Variants in SUGCT observed in about 807,000 individuals in gnomAD.
SUGCT encodes the protein succinyl-CoA:glutarate CoA-transferase.
Under a neutral mutation model 55.0 loss-of-function variants are expected in SUGCT, and 41 were observed. The observed-to-expected ratio is 0.74, with a 90% confidence interval of 0.58 to 0.97. SUGCT has a LOEUF of 0.97. Ranked by LOEUF, SUGCT falls within the 50% of genes least tolerant of loss-of-function variation. SUGCT has a pLI of 0.00. For missense variants in SUGCT, 568 were observed against 547.8 expected (o/e 1.04, Z -0.37); for synonymous variants, 187 against 200.4 (o/e 0.93, Z 0.56).
At chr7:40,428,347 T>G (rs1205148148) in intron 9 of SUGCT, among the ~76,000 whole-genome samples, 1 of 152,202 alleles carries the variant, frequency 6.6e-6, no homozygotes, top group Non-Finnish European at 1.5e-5. Context: ...GTCTTTTGAT[T>G]GGGGAGTTTA....
chr7:41,018,965 G>A, the SUGCT span, among the ~76,000 whole-genome samples: 3 of 150,840 alleles, frequency 2.0e-5, no homozygotes, highest in African/African-American at 4.9e-5. Context: ...GAGTTCAATG[G>A]TGCGATCTTG....
At chr7:40,552,847 C>G (rs1233888707) in intron 12 of SUGCT, among the ~76,000 whole-genome samples, 2 of 142,342 alleles carry the variant, frequency 1.4e-5, no homozygotes, top group African/African-American at 2.6e-5. Flanking sequence ...GATTTCCTGA[C>G]ATAATCACAG....
chr7:40,435,687 T>G (rs917194602), intron 9 of SUGCT, among the ~76,000 whole-genome samples: 2 of 152,110 alleles, frequency 1.3e-5, no homozygotes, highest in Non-Finnish European at 2.9e-5. Flanking sequence ...TTTGCCTATA[T>G]TCTCTGAGTT....
At chr7:40,496,923 T>G (rs916143009) in intron 12 of SUGCT, among the ~76,000 whole-genome samples, 3 of 151,648 alleles carry the variant, frequency 2.0e-5, no homozygotes, top group African/African-American at 7.3e-5. Flanking sequence ...TTTACACAGA[T>G]AGATATTTGT....
chr7:40,797,772 G>C (rs894831575), intron 13 of SUGCT, among the ~76,000 whole-genome samples: 1 of 152,174 alleles, frequency 6.6e-6, no homozygotes, highest in African/African-American at 2.4e-5. Flanking sequence ...GCAAGTTGTA[G>C]GTACTTTTAG....
At position 40,625,265 on chromosome 7, in the gene SUGCT, C is replaced by T. The variant is rs140533015; in HGVS notation, c.1090-124169C>T. 1.8e-4 allele frequency among the ~76,000 whole-genome samples: 28 copies of T among 152,156 alleles called. No individual in the cohort carries two copies. In the South Asian group the frequency reaches 4.6e-3, roughly 25 times the overall value. On this transcript the variant is annotated intron_variant, in intron 12 of 13. Coordinates refer to ENST00000335693, the MANE Select transcript of SUGCT (RefSeq NM_001193313.2). ...GGAACTCAATCCTTTTTCCTTAACA[C>T]GCAACCCCCTTCATCCCCACTTCAC...
chr7:41,022,241 T>C, the SUGCT span, among the ~76,000 whole-genome samples: 1 of 152,052 alleles, frequency 6.6e-6, no homozygotes, highest in Non-Finnish European at 1.5e-5. Flanking sequence ...AAAAATAAAA[T>C]AATAATCTTG....
the SUGCT span, among the ~76,000 whole-genome samples, chr7:41,034,343 A>G: frequency 1.3e-5 from 2 of 152,228 alleles, no homozygotes; most frequent in Non-Finnish European, 2.9e-5. Flanking sequence ...CCATGAAAGT[A>G]AAACAGATTG....
intron 12 of SUGCT, among the ~76,000 whole-genome samples, chr7:40,608,436 C>A (rs1798621932): frequency 6.6e-6 from 1 of 152,168 alleles, no homozygotes. Context: ...ATGGTTTCAA[C>A]ACATGTAAGC....
At chr7:40,972,097 A>T in the SUGCT span, among the ~76,000 whole-genome samples, 1,348 of 152,240 alleles carry the variant, frequency 8.9e-3, 21 homozygotes, top group African/African-American at 0.03. Flanking sequence ...ATGTGTTTAT[A>T]TAAAAGTGGT....
At chr7:40,795,596 C>T (rs1279987004) in intron 13 of SUGCT, among the ~76,000 whole-genome samples, 2 of 152,098 alleles carry the variant, frequency 1.3e-5, no homozygotes, top group African/African-American at 4.8e-5. Flanking sequence ...TGTGGGGCTT[C>T]AATCCGCATC....
intron 7 of SUGCT, among the ~76,000 whole-genome samples, chr7:40,263,778 T>A (rs1791379391): frequency 1.3e-5 from 2 of 152,198 alleles, no homozygotes; most frequent in Non-Finnish European, 2.9e-5. Context: ...CATTTTCCCT[T>A]GAGTTGCCTG....
At chr7:40,211,283 G>A (rs754992969) in intron 6 of SUGCT, among the ~76,000 whole-genome samples, 1 of 152,284 alleles carries the variant, frequency 6.6e-6, no homozygotes, top group South Asian at 2.1e-4. Flanking sequence ...GCACGATCTT[G>A]GCTCACTGTG....
chr7:40,461,448 T>A (rs551350948), intron 11 of SUGCT, among the ~76,000 whole-genome samples: 6 of 152,234 alleles, frequency 3.9e-5, no homozygotes, highest in Admixed American at 3.9e-4. Context: ...ACCCTCCCAA[T>A]TGGTTTAGTT....
At chr7:40,182,165 C>T (rs1436004891) in intron 3 of SUGCT, 137 bp downstream of exon 3, 1 of 606,880 alleles carries the variant, frequency 1.6e-6, no homozygotes, top group Non-Finnish European at 2.9e-6. Context: ...TTTTTCTTCT[C>T]CATTTCTTGT....
intron 13 of SUGCT, among the ~76,000 whole-genome samples, chr7:40,816,651 C>T (rs935796377): frequency 1.3e-5 from 2 of 152,170 alleles, no homozygotes; most frequent in African/African-American, 4.8e-5. Flanking sequence ...GATCTTTATG[C>T]ATTGTCTTGC....
chr7:40,241,691 G>T (rs1789402800), intron 7 of SUGCT, among the ~76,000 whole-genome samples: 1 of 151,768 alleles, frequency 6.6e-6, no homozygotes, highest in Admixed American at 6.6e-5. Context: ...GGAGGCCGAG[G>T]CAGGCAGATC....
intron 6 of SUGCT, among the ~76,000 whole-genome samples, chr7:40,196,927 T>G (rs1465181131): frequency 6.6e-6 from 1 of 152,134 alleles, no homozygotes; most frequent in African/African-American, 2.4e-5. Context: ...CTCCACCTCC[T>G]AGGTTCAGGT....
At chr7:40,843,490 CAGAG>C (rs935412665) in intron 13 of SUGCT, among the ~76,000 whole-genome samples, 1 of 120,152 alleles carries the variant, frequency 8.3e-6, no homozygotes, top group African/African-American at 2.9e-5. Context: ...AGCCTAGCAA[CAGAG>C]AGAGACTCTG....
Sources: gnomAD v4.1 joint callset for allele counts (sites outside exome capture counted in the v4.1 genomes callset) on GRCh38, gnomAD v4.1.1 for gene constraint, MANE v1.5 for transcripts, NCBI Gene and HGNC (gene_info 2026-07-23, HGNC 2026-07-21) for gene names.